Variants in LINGO2 observed in about 807,000 individuals in gnomAD.
LINGO2 encodes leucine rich repeat and Ig domain containing 2.
LINGO2 carries 14 observed loss-of-function variants against 30.6 expected under a neutral mutation model. That is an observed-to-expected ratio of 0.46 (90% CI 0.30 to 0.72). The LOEUF (loss-of-function observed/expected upper bound fraction) is 0.72. LINGO2 is among the 30% of genes least tolerant of loss of function. The pLI, the probability that LINGO2 is intolerant of heterozygous loss-of-function variation, is 0.07. For missense variants in LINGO2, 729 were observed against 751.7 expected (o/e 0.97, Z 0.35); for synonymous variants, 317 against 288.5 (o/e 1.10, Z -1.00).
the LINGO2 span, among the ~76,000 whole-genome samples, chr9:29,149,590 A>ACAG: frequency 2.0e-5 from 3 of 151,796 alleles, no homozygotes; most frequent in African/African-American, 4.8e-5. Context: ...CCACCCCTGA[A>ACAG]CAGCTCCTAG....
chr9:27,997,046 AAG>A (rs1381709990), intron 5 of LINGO2, among the ~76,000 whole-genome samples: 2 of 152,188 alleles, frequency 1.3e-5, no homozygotes, highest in Non-Finnish European at 2.9e-5. Context: ...TAAACTCCAA[AAG>A]AGGAATTTAA....
the LINGO2 span, among the ~76,000 whole-genome samples, chr9:29,126,387 C>A: frequency 6.6e-6 from 1 of 151,990 alleles, no homozygotes; most frequent in Admixed American, 6.6e-5. Context: ...ATAAATAAAG[C>A]CTGTATAGCA....
intron 3 of LINGO2, among the ~76,000 whole-genome samples, chr9:28,331,453 T>C (rs186403035): frequency 6.6e-6 from 1 of 152,108 alleles, no homozygotes; most frequent in East Asian, 1.9e-4. Flanking sequence ...AAAACAGGAG[T>C]ACATTTTCTG....
At chr9:27,939,656 A>G in the LINGO2 span, 1 of 152,246 alleles carries the variant, frequency 6.6e-6, no homozygotes, top group Non-Finnish European at 1.5e-5. Flanking sequence ...AGAAGTGTTT[A>G]ACTTTTATGA....
chr9:29,068,028 G>C, the LINGO2 span, among the ~76,000 whole-genome samples: 1 of 151,894 alleles, frequency 6.6e-6, no homozygotes, highest in Admixed American at 6.6e-5. Context: ...TTTTTACTTT[G>C]CATTCTGCAT....
At chr9:28,503,332 T>C (rs1194026820) in intron 1 of LINGO2, among the ~76,000 whole-genome samples, 1 of 152,058 alleles carries the variant, frequency 6.6e-6, no homozygotes, top group Non-Finnish European at 1.5e-5. Context: ...GTCATTATAG[T>C]TGATGAAGGC....
intron 4 of LINGO2, among the ~76,000 whole-genome samples, chr9:28,262,018 A>G (rs1303230767): frequency 3.3e-5 from 5 of 152,010 alleles, no homozygotes; most frequent in Non-Finnish European, 5.9e-5. Context: ...TATATATTAA[A>G]TAAGTCAATT....
At chr9:27,960,614 C>CT (rs540319420) in intron 5 of LINGO2, among the ~76,000 whole-genome samples, 3,945 of 122,274 alleles carry the variant, frequency 0.032, 123 homozygotes, top group East Asian at 0.2. Flanking sequence ...TGTGGTATAT[C>CT]TTTTTTTTTT....
the LINGO2 span, among the ~76,000 whole-genome samples, chr9:28,697,611 G>GAAAT: frequency 6.6e-6 from 1 of 151,736 alleles, no homozygotes; most frequent in Non-Finnish European, 1.5e-5. Context: ...AAATCACTGT[G>GAAAT]AAATATATTT....
At chr9:28,807,744 T>A in the LINGO2 span, among the ~76,000 whole-genome samples, 21 of 152,328 alleles carry the variant, frequency 1.4e-4, no homozygotes, top group African/African-American at 5.0e-4. Context: ...TTCATTTTAT[T>A]ATAATCATTG....
the LINGO2 span, among the ~76,000 whole-genome samples, chr9:29,124,518 C>A: frequency 6.6e-6 from 1 of 152,054 alleles, no homozygotes; most frequent in Non-Finnish European, 1.5e-5. Context: ...ATCCATCTGA[C>A]AAAGGGCTAA....
the LINGO2 span, among the ~76,000 whole-genome samples, chr9:28,959,503 C>T: frequency 6.6e-6 from 1 of 151,598 alleles, no homozygotes; most frequent in Admixed American, 6.6e-5. Context: ...ATAGGATCAC[C>T]AAGGAGCAAA....
At chr9:28,884,745 C>T in the LINGO2 span, among the ~76,000 whole-genome samples, 2 of 115,374 alleles carry the variant, frequency 1.7e-5, no homozygotes, top group Non-Finnish European at 3.5e-5. Flanking sequence ...TAAAACTATA[C>T]ACATACACAT....
At chr9:28,909,133 C>A in the LINGO2 span, among the ~76,000 whole-genome samples, 136,067 of 151,878 alleles carry the variant, frequency 0.9, 61,232 homozygotes, top group Non-Finnish European at 0.94. Flanking sequence ...TTTCAAAGAC[C>A]ATGTACCCGA....
At chr9:28,572,063 G>A (rs1044973490) in intron 1 of LINGO2, among the ~76,000 whole-genome samples, 6 of 151,972 alleles carry the variant, frequency 3.9e-5, no homozygotes, top group African/African-American at 1.2e-4. Context: ...ACTCTACACC[G>A]TGCTGTCACC....
In LINGO2 at chr9:28,060,532, A is replaced by C. The variant is rs115763675; in HGVS notation, c.-86-48127T>G. On this transcript the variant is annotated intron_variant, in intron 4 of 5. Transcript: ENST00000379992. ...AGTCAAAGCAACACGCTAAGTTCAC[A>C]AAGCCAGGAAGTAAGTAAATCTGTG... is the stretch of plus-strand genomic sequence containing the variant. Among the ~76,000 whole-genome samples, 435 of 152,312 alleles carry C rather than the reference A, an allele frequency of 2.9e-3. 1 individual carries two copies. Among genetic ancestry groups the C allele is most frequent in the African/African-American group, 9.8e-3 (407 of 41,578 alleles).
chr9:29,167,508 C>T, the LINGO2 span, among the ~76,000 whole-genome samples: 44 of 152,208 alleles, frequency 2.9e-4, no homozygotes, highest in African/African-American at 9.6e-4. Flanking sequence ...CTACACCAGT[C>T]AGCAAAACAT....
intron 1 of LINGO2, among the ~76,000 whole-genome samples, chr9:28,551,895 G>C (rs1822304311): frequency 6.6e-6 from 1 of 151,784 alleles, no homozygotes; most frequent in Admixed American, 6.6e-5. Context: ...TTTTTACATT[G>C]CCATATTGAT....
chr9:28,046,541 T>TA (rs1421438988), intron 4 of LINGO2, among the ~76,000 whole-genome samples: 7 of 152,306 alleles, frequency 4.6e-5, no homozygotes, highest in African/African-American at 1.7e-4. Context: ...TTCCTCTGCT[T>TA]AAACACTTCA....
Sources: allele counts gnomAD v4.1 joint callset (sites outside exome capture counted in the v4.1 genomes callset), GRCh38; gene constraint gnomAD v4.1.1; transcripts MANE v1.5; gene names NCBI Gene and HGNC (gene_info 2026-07-23, HGNC 2026-07-21).